Variants in B3GAT1 observed in about 807,000 individuals in gnomAD.
B3GAT1 encodes galactosylgalactosylxylosylprotein 3-beta-glucuronosyltransferase 1.
In B3GAT1, 11 loss-of-function variants were observed where a neutral mutation model predicts 28.4. The ratio of observed to expected loss-of-function variants is 0.39; its 90% CI spans 0.24 to 0.64. The LOEUF is 0.64. B3GAT1 is among the 30% of genes least tolerant of loss of function. The pLI is 0.50. For missense variants in B3GAT1, 375 were observed against 491.0 expected (o/e 0.76, Z 2.23); for synonymous variants, 255 against 223.1 (o/e 1.14, Z -1.27).
intron 1 of B3GAT1, among the ~76,000 whole-genome samples, chr11:134,398,839 C>T (rs568940745): frequency 3.2e-4 from 49 of 152,320 alleles, no homozygotes; most frequent in African/African-American, 1.1e-3. Context: ...GCTGCACACC[C>T]GGCTGGCAGC....
intron 1 of B3GAT1, among the ~76,000 whole-genome samples, chr11:134,399,146 C>T (rs1483016641): frequency 1.3e-5 from 2 of 152,182 alleles, no homozygotes; most frequent in African/African-American, 4.8e-5. Flanking sequence ...CTCACTTGCT[C>T]CTGTTCAGAG....
At chr11:134,398,426 G>C (rs1047200352) in intron 1 of B3GAT1, among the ~76,000 whole-genome samples, 1 of 151,208 alleles carries the variant, frequency 6.6e-6, no homozygotes, top group African/African-American at 2.5e-5. Flanking sequence ...GGGTTTGCGG[G>C]GGCTGCTGCT....
At chr11:134,383,591 G>T (rs954206641) in intron 3 of B3GAT1, 89 bp downstream of exon 3, 2 of 1,420,802 alleles carry the variant, frequency 1.4e-6, no homozygotes, top group Non-Finnish European at 9.2e-7. Context: ...CCCCCTGCGC[G>T]CGCCTCCGCA....
At chr11:134,401,589 G>A (rs1376650018) in intron 1 of B3GAT1, among the ~76,000 whole-genome samples, 1 of 152,036 alleles carries the variant, frequency 6.6e-6, no homozygotes, top group Non-Finnish European at 1.5e-5. Flanking sequence ...GAGGAAGAAG[G>A]GAGGGGGGAA....
intron 1 of B3GAT1, among the ~76,000 whole-genome samples, chr11:134,400,283 G>A (rs371959793): frequency 1.0e-3 from 159 of 152,244 alleles, no homozygotes; most frequent in African/African-American, 3.7e-3. Context: ...AAGCTCCTCC[G>A]GGGGCGCCTG....
Position 134,393,175 on chromosome 11 carries a change from A to G in B3GAT1, c.-281-5235T>C, listed in dbSNP as rs1944444219. ...GAGAAAGGCCTTTTTACCCAGTAAG[A>G]TGGGAACAGTAGTTAAGTGGTTCAT... On this transcript the variant is annotated intron_variant, in intron 1 of 5. Coordinates refer to ENST00000312527, the MANE Select transcript of B3GAT1 (RefSeq NM_054025.3). The surrounding 1 kb of genome is among the most constrained non-coding windows in gnomAD (Gnocchi z 4.0). Among the ~76,000 whole-genome samples, 1 of 152,230 alleles carries G rather than the reference A, an allele frequency of 6.6e-6. No individual in the cohort carries two copies. Among genetic ancestry groups the G allele is most frequent in the Non-Finnish European group, 1.5e-5 (1 of 68,038 alleles).
At chr11:134,390,796 CTA>C (rs1196361060) in intron 1 of B3GAT1, 2 of 152,368 alleles carry the variant, frequency 1.3e-5, no homozygotes, top group East Asian at 3.9e-4. Context: ...CCATCTGGCT[CTA>C]TGCTGTCATC....
chr11:134,383,073 G>A (rs902711938), intron 3 of B3GAT1, 67 bp from the exon 4 acceptor site: 38 of 1,457,520 alleles, frequency 2.6e-5, no homozygotes, highest in Non-Finnish European at 3.2e-5. Flanking sequence ...CGTGCCCAAG[G>A]GAGGCGACAT....
At position 134,383,552 on chromosome 11, in the gene B3GAT1, GC is replaced by G. The variant is rs1191930451; in HGVS notation, c.621+127del. ...CCCTTTCCCTGGCTCTCTGCTGCCT[GC>G]CCCGCTCCCAGCCCGGCTTCCCGGG... On this transcript the variant is annotated intron_variant, in intron 3 of 5. Transcript: ENST00000312527. 25 of 1,260,368 alleles carry G rather than the reference GC, an allele frequency of 2.0e-5. No homozygotes were observed. In the African/African-American group the frequency reaches 3.5e-4, roughly 18 times the overall value. 78.1% of individuals were successfully genotyped at this position (1,260,368 alleles called of 1,614,324 possible).
rs116283606 is a variant in B3GAT1 at position 134,400,968 on chromosome 11, A to C, written c.-282+10839T>G. Among the ~76,000 whole-genome samples the C allele has an allele frequency of 1.0e-3, 158 of 152,364 alleles. 1 individual carries two copies. Among genetic ancestry groups the C allele is most frequent in the African/African-American group, 3.5e-3 (146 of 41,582 alleles). On this transcript the variant is annotated intron_variant, in intron 1 of 5. Coordinates refer to ENST00000312527, the MANE Select transcript of B3GAT1 (RefSeq NM_054025.3). ...ACAGACACTTCTCAAATGAAGACGT[A>C]CAAGTGGCCAACAAATATGAAAAAA...
intron 1 of B3GAT1, among the ~76,000 whole-genome samples, chr11:134,404,127 A>C (rs1003855330): frequency 6.6e-6 from 1 of 150,388 alleles, no homozygotes; most frequent in Non-Finnish European, 1.5e-5. Context: ...CCATTAACTC[A>C]TCATTTAGCA....
Position 134,381,908 on chromosome 11 carries a change from C to T in B3GAT1, c.*14+16G>A. 2 of 1,606,318 alleles carry T rather than the reference C, an allele frequency of 1.2e-6. No individual in the cohort carries two copies. Among genetic ancestry groups the T allele is most frequent in the Non-Finnish European group, 1.7e-6 (2 of 1,173,284 alleles). On this transcript the variant is annotated intron_variant, in intron 5 of 5. Transcript: ENST00000312527. ...CGCCCTGCCCAGTGTGTGGCCCACC[C>T]TCGTCATGCCCATACCTGCATCCTG...
intron 1 of B3GAT1, among the ~76,000 whole-genome samples, chr11:134,404,534 C>T (rs1944690727): frequency 6.6e-6 from 1 of 152,200 alleles, no homozygotes; most frequent in Non-Finnish European, 1.5e-5. Context: ...CTCCTCGGAG[C>T]CTGCACCCTG....
intron 1 of B3GAT1, among the ~76,000 whole-genome samples, chr11:134,394,789 A>G (rs1023241906): frequency 1.3e-5 from 2 of 152,248 alleles, no homozygotes; most frequent in African/African-American, 4.8e-5. Context: ...CTTGGGCAGA[A>G]GGAAGTATTA....
intron 1 of B3GAT1, among the ~76,000 whole-genome samples, chr11:134,400,544 G>A (rs749316541): frequency 1.3e-5 from 2 of 152,180 alleles, no homozygotes; most frequent in African/African-American, 4.8e-5. Flanking sequence ...AAGATTCAGC[G>A]GATGGCTAGC....
At position 134,383,888 on chromosome 11, in the gene B3GAT1, C is replaced by T. The variant is rs1291194019; in HGVS notation, c.413G>A (p.Gly138Asp). The stretch of plus-strand genomic sequence containing the variant: ...CACGTGCAGGTGCGTGTAGTTGAGG[C>T]CGGTGTCGCGCAGCAGGCGCGCGGT... ...PLTARLLRDTGLNYTHLHVET... is the reference protein window; with the variant it reads ...PLTARLLRDTDLNYTHLHVET... Residue 138 changes from glycine (G) to aspartate (D), a missense_variant, in exon 3 of 6, where the codon GGC becomes GAC. Transcript: ENST00000312527. The T allele has an allele frequency of 6.3e-7, 1 of 1,595,930 alleles. No individual in the cohort carries two copies. Among genetic ancestry groups the T allele is most frequent in the Non-Finnish European group, 8.5e-7 (1 of 1,175,190 alleles).
intron 1 of B3GAT1, among the ~76,000 whole-genome samples, chr11:134,407,087 T>C (rs1172933061): frequency 6.6e-6 from 1 of 152,272 alleles, no homozygotes; most frequent in Non-Finnish European, 1.5e-5. Flanking sequence ...TAGCCACATG[T>C]GGCTGTTGCC....
At chr11:134,402,912 CAA>C (rs970550896) in intron 1 of B3GAT1, among the ~76,000 whole-genome samples, 19 of 83,376 alleles carry the variant, frequency 2.3e-4, no homozygotes, top group Admixed American at 2.2e-4. Flanking sequence ...GACTCTGTTT[CAA>C]AAAAAAAAAA....
chr11:134,391,611 G>C (rs1275436528), intron 1 of B3GAT1: 1 of 152,720 alleles, frequency 6.5e-6, no homozygotes, highest in Non-Finnish European at 1.5e-5. Flanking sequence ...GAGAGCCCAG[G>C]AGATGGAGGC....
Sources: allele counts gnomAD v4.1 joint callset (sites outside exome capture counted in the v4.1 genomes callset), GRCh38; gene constraint gnomAD v4.1.1; non-coding constraint Gnocchi (gnomAD v3.1); transcripts MANE v1.5; gene names NCBI Gene and HGNC (gene_info 2026-07-23, HGNC 2026-07-21).